Variants in TCF4 observed in about 807,000 individuals in gnomAD.
TCF4 encodes transcription factor 4.
A neutral mutation model predicts 82.1 loss-of-function variants in TCF4; 3 were observed. The observed-to-expected ratio is 0.04, with a 90% CI of 0.02 to 0.09. TCF4 has a LOEUF of 0.09. Among genes scored for constraint, TCF4 ranks in the 10% least tolerant of loss-of-function variants. TCF4 has a pLI of 1.00. For synonymous variants in TCF4, 276 were observed against 309.6 expected (o/e 0.89, Z 1.14); for missense variants, 518 against 852.7 (o/e 0.61, Z 4.89).
At chr18:55,419,471 T>C (rs1399176607) in intron 5 of TCF4, among the ~76,000 whole-genome samples, 1 of 152,218 alleles carries the variant, frequency 6.6e-6, no homozygotes, top group East Asian at 1.9e-4. Context: ...ATATATTTTG[T>C]CTTGTCAAGT....
chr18:55,492,242 C>T (rs899528581), intron 3 of TCF4: 4 of 152,150 alleles, frequency 2.6e-5, no homozygotes, highest in Admixed American at 6.5e-5. Flanking sequence ...CAAAGATATA[C>T]CATGTCTCAG....
intron 2 of TCF4, among the ~76,000 whole-genome samples, chr18:55,617,038 T>G (rs150979144): frequency 6.6e-6 from 1 of 152,290 alleles, no homozygotes; most frequent in African/African-American, 2.4e-5. Flanking sequence ...TTTTCCCCAA[T>G]GTTTTCTTCT....
At chr18:55,403,599 C>T in intron 5 of TCF4, 81 bp from the exon 6 acceptor site, 8 of 1,613,226 alleles carry the variant, frequency 5.0e-6, no homozygotes, top group Non-Finnish European at 6.8e-6. Flanking sequence ...ACATCTACTG[C>T]TCTTCCCCGA....
At chr18:55,360,731 CTTT>C (rs35704472) in intron 6 of TCF4, among the ~76,000 whole-genome samples, 2 of 74,274 alleles carry the variant, frequency 2.7e-5, no homozygotes, top group Non-Finnish European at 2.4e-5. Flanking sequence ...GCCCCCCACC[CTTT>C]TTTTTTTTTT....
upstream of TCF4, chr18:55,588,230 T>C: frequency 1.5e-6 from 2 of 1,378,092 alleles, no homozygotes; most frequent in Non-Finnish European, 1.9e-6. Context: ...TAACACCAAC[T>C]CTCTTCTCCG....
intron 5 of TCF4, among the ~76,000 whole-genome samples, chr18:55,453,743 T>C (rs1360661157): frequency 6.6e-6 from 1 of 151,922 alleles, no homozygotes; most frequent in East Asian, 1.9e-4. Flanking sequence ...GGAAATCAGT[T>C]ATCTTAGCTC....
At chr18:55,480,270 G>A (rs1463438677) in intron 3 of TCF4, among the ~76,000 whole-genome samples, 8 of 81,496 alleles carry the variant, frequency 9.8e-5, no homozygotes, top group African/African-American at 3.4e-4. Flanking sequence ...AACACAGTAG[G>A]AACTCCAAAA....
intron 3 of TCF4, among the ~76,000 whole-genome samples, chr18:55,513,371 T>A (rs1351911353): frequency 4.0e-4 from 1 of 2,486 alleles, no homozygotes; most frequent in Non-Finnish European, 1.5e-3. Flanking sequence ...GCCCTCAGCT[T>A]TTTTTTTTTT....
Position 55,272,524 on chromosome 18 carries a change from C to A in TCF4, c.790-2561G>T, listed in dbSNP as rs537526462. Among the ~76,000 whole-genome samples the A allele has an allele frequency of 2.4e-3, 361 of 152,148 alleles. 3 individuals carry two copies. The highest frequency in any genetic ancestry group is 8.2e-3 in the African/African-American group (342 of 41,512). On this transcript the variant is annotated intron_variant, in intron 10 of 19. Transcript: ENST00000354452. Reference sequence around the variant, plus strand: ...TATGATGCCCAAGAGTCCTGTATTTCGTGTCTATTAACAGAGTAATTGTTG... The same window carrying A: ...TATGATGCCCAAGAGTCCTGTATTTAGTGTCTATTAACAGAGTAATTGTTG...
chr18:55,379,626 T>C (rs533049966), intron 6 of TCF4, among the ~76,000 whole-genome samples: 9 of 151,476 alleles, frequency 5.9e-5, no homozygotes, highest in Admixed American at 1.3e-4. Flanking sequence ...GTTTTTGGGG[T>C]TTTTTTTGGT....
intron 11 of TCF4, among the ~76,000 whole-genome samples, chr18:55,264,161 A>G (rs766562002): frequency 6.6e-6 from 1 of 152,204 alleles, no homozygotes; most frequent in Admixed American, 6.5e-5. Flanking sequence ...CTTTCTAACT[A>G]AACATTCTAT....
chr18:55,242,906 C>T (rs2145029134), intron 15 of TCF4, among the ~76,000 whole-genome samples: 1 of 152,214 alleles, frequency 6.6e-6, no homozygotes, highest in African/African-American at 2.4e-5. Context: ...CCGCGCCTAG[C>T]CCAGGCACTG....
intron 8 of TCF4, among the ~76,000 whole-genome samples, chr18:55,297,345 T>C (rs2066854103): frequency 6.6e-6 from 1 of 152,158 alleles, no homozygotes; most frequent in Admixed American, 6.5e-5. Flanking sequence ...TGTATCATAC[T>C]GTATTTTCCT....
At chr18:55,424,617 G>T (rs555307439) in intron 5 of TCF4, among the ~76,000 whole-genome samples, 1 of 151,998 alleles carries the variant, frequency 6.6e-6, no homozygotes, top group Non-Finnish European at 1.5e-5. Context: ...AGAATCAAAA[G>T]GATAATACAC....
At chr18:55,510,984 A>G (rs999734691) in intron 3 of TCF4, among the ~76,000 whole-genome samples, 20 of 152,172 alleles carry the variant, frequency 1.3e-4, no homozygotes, top group African/African-American at 4.6e-4. Flanking sequence ...AGCACAATAA[A>G]AGCAGGACGT....
chr18:55,511,497 T>G (rs1332989991), intron 3 of TCF4, among the ~76,000 whole-genome samples: 1 of 152,020 alleles, frequency 6.6e-6, no homozygotes, highest in African/African-American at 2.4e-5. Context: ...CTTGCAAAAA[T>G]GGCAACTTTT....
intron 3 of TCF4, among the ~76,000 whole-genome samples, chr18:55,546,483 AAGTC>A (rs983627876): frequency 2.6e-5 from 4 of 152,236 alleles, no homozygotes; most frequent in African/African-American, 9.6e-5. Context: ...AACCAATGAT[AAGTC>A]AGTGTTTCCA....
intron 3 of TCF4, among the ~76,000 whole-genome samples, chr18:55,488,459 G>GA (rs2096541067): frequency 2.0e-5 from 3 of 148,082 alleles, no homozygotes; most frequent in Admixed American, 1.3e-4. Flanking sequence ...ATGGAGAAGA[G>GA]AGGGAAAAAA....
rs556861543 is a variant in TCF4 at position 55,386,739 on chromosome 18, G to A, written c.369+16715C>T. Among the ~76,000 whole-genome samples, 532 of 152,288 alleles carry A rather than the reference G, an allele frequency of 3.5e-3. 2 individuals carry two copies. The highest frequency in any genetic ancestry group is 7.7e-3 in the South Asian group (37 of 4,824). On this transcript the variant is annotated intron_variant, in intron 6 of 19. Transcript: ENST00000354452. Reference sequence around the variant, plus strand: ...CATAGCAGAGATAAGAGCAGCTCCCGGAGTGCTGGCTACTCTGCTATCTCC... The same window carrying A: ...CATAGCAGAGATAAGAGCAGCTCCCAGAGTGCTGGCTACTCTGCTATCTCC...
Sources: allele counts gnomAD v4.1 joint callset (sites outside exome capture counted in the v4.1 genomes callset), GRCh38; gene constraint gnomAD v4.1.1; transcripts MANE v1.5; gene names NCBI Gene and HGNC (gene_info 2026-07-23, HGNC 2026-07-21).